PPP2R2B: variants seen among roughly 807,000 people sequenced by gnomAD.
PPP2R2B encodes the protein serine/threonine-protein phosphatase 2A 55 kDa regulatory subunit B beta isoform.
A neutral mutation model predicts 46.0 loss-of-function variants in PPP2R2B; 5 were observed. The observed-to-expected ratio is 0.11, with a 90% CI of 0.06 to 0.23. PPP2R2B has a LOEUF of 0.23. PPP2R2B is among the 10% of genes least tolerant of loss of function. PPP2R2B has a pLI of 1.00. For synonymous variants in PPP2R2B, 215 were observed against 206.7 expected (o/e 1.04, Z -0.34); for missense variants, 367 against 575.0 (o/e 0.64, Z 3.70).
intron 4 of PPP2R2B, among the ~76,000 whole-genome samples, chr5:146,691,823 G>C (rs561698575): frequency 6.6e-6 from 1 of 152,080 alleles, no homozygotes; most frequent in Non-Finnish European, 1.5e-5. Flanking sequence ...ACTAAGCCTC[G>C]GGGCCTTTGC....
At chr5:147,080,987 G>T in intron 2 of PPP2R2B, 1 of 1,402,702 alleles carries the variant, frequency 7.1e-7, no homozygotes, top group Non-Finnish European at 9.7e-7. Context: ...AAGTAAAGAT[G>T]AAAGTTTTTA....
At position 146,588,435 on chromosome 5, in the gene PPP2R2B, A is replaced by G. The variant is rs1770281142; in HGVS notation, c.*1512T>C. The stretch of plus-strand genomic sequence containing the variant: ...GGACTTCTAATACATCTGTAAACTG[A>G]AAGAAAATTTCCCTTTCATTGAAAA... On this transcript the variant is annotated 3_prime_UTR_variant, in exon 10 of 10. Transcript: ENST00000394411. 1 of 152,198 alleles carries G rather than the reference A, an allele frequency of 6.6e-6. No individual in the cohort carries two copies. Among genetic ancestry groups the G allele is most frequent in the Admixed American group, 6.5e-5 (1 of 15,280 alleles). The allele number at this position is 152,198 out of a possible 1,614,324, so 9.4% of individuals were successfully genotyped here.
At chr5:146,943,674 ATT>A (rs201977073) in intron 1 of PPP2R2B, among the ~76,000 whole-genome samples, 1 of 145,930 alleles carries the variant, frequency 6.9e-6, no homozygotes, top group Non-Finnish European at 1.5e-5. Flanking sequence ...AGAGGCACTC[ATT>A]TTTTTTTTTT....
chr5:146,701,155 A>G lies in PPP2R2B; in HGVS notation c.71-13T>C. 1 of 1,593,910 alleles carries G rather than the reference A, an allele frequency of 6.3e-7. No individual in the cohort carries two copies. Among genetic ancestry groups the G allele is most frequent in the Non-Finnish European group, 8.6e-7 (1 of 1,161,570 alleles). On this transcript the variant is annotated splice_polypyrimidine_tract_variant and intron_variant, in intron 2 of 9. Transcript: ENST00000394411. ...GAGATAATGTCAGCTGCAAAGAAGAAGACAAAGGCAATTTAAGTAACTGCA... is the reference window on the plus strand; with the variant it reads ...GAGATAATGTCAGCTGCAAAGAAGAGGACAAAGGCAATTTAAGTAACTGCA...
intron 2 of PPP2R2B, among the ~76,000 whole-genome samples, chr5:146,804,230 A>G (rs933638986): frequency 6.6e-6 from 1 of 152,088 alleles, no homozygotes; most frequent in Non-Finnish European, 1.5e-5. Context: ...ACTACTTCCT[A>G]TGCACTAGGC....
intron 8 of PPP2R2B, 117 bp from the exon 9 acceptor site, chr5:146,593,179 C>G: frequency 1.1e-6 from 1 of 924,212 alleles, no homozygotes; most frequent in Non-Finnish European, 1.7e-6. Flanking sequence ...CTCTTTGAAT[C>G]AGATGGCCTT....
chr5:146,700,574 G>T (rs1779472665), intron 3 of PPP2R2B, among the ~76,000 whole-genome samples: 1 of 152,100 alleles, frequency 6.6e-6, no homozygotes, highest in Admixed American at 6.5e-5. Flanking sequence ...CTAGTTTGTG[G>T]CCTTTTACCC....
At chr5:146,892,233 C>T (rs997091874) in intron 1 of PPP2R2B, among the ~76,000 whole-genome samples, 25 of 152,298 alleles carry the variant, frequency 1.6e-4, no homozygotes, top group Non-Finnish European at 1.5e-4. Context: ...TTCTGCATTC[C>T]ATCAGCTCTA....
chr5:146,748,125 T>C (rs1753306290), intron 2 of PPP2R2B, among the ~76,000 whole-genome samples: 2 of 152,202 alleles, frequency 1.3e-5, no homozygotes, highest in South Asian at 2.1e-4. Context: ...ACTGTGAGCA[T>C]GGGTCTTTTA....
At chr5:146,877,395 C>T (rs925805034) in intron 2 of PPP2R2B, among the ~76,000 whole-genome samples, 1 of 152,184 alleles carries the variant, frequency 6.6e-6, no homozygotes, top group Admixed American at 6.5e-5. Context: ...GCGTTGCTCA[C>T]CCCACGTGTC....
chr5:147,064,648 C>T (rs796225027), intron 2 of PPP2R2B, among the ~76,000 whole-genome samples: 15 of 152,268 alleles, frequency 9.9e-5, no homozygotes, highest in African/African-American at 3.6e-4. Context: ...CCTCATTCTC[C>T]CACAGGTCTA....
chr5:146,591,048 G>C (rs1434632067), intron 9 of PPP2R2B, among the ~76,000 whole-genome samples: 2 of 152,092 alleles, frequency 1.3e-5, no homozygotes, highest in African/African-American at 4.8e-5. Context: ...AATGTTTAAT[G>C]GTGACATTTC....
chr5:146,706,293 G>C (rs1779845742), intron 2 of PPP2R2B: 5 of 525,182 alleles, frequency 9.5e-6, no homozygotes, highest in Admixed American at 7.0e-5. Context: ...GAGCTGGTGC[G>C]GCTGAAGGAG....
At chr5:146,768,188 C>A (rs1014762673) in intron 2 of PPP2R2B, among the ~76,000 whole-genome samples, 5 of 152,084 alleles carry the variant, frequency 3.3e-5, no homozygotes, top group Admixed American at 1.3e-4. Context: ...ATCCTCCCAC[C>A]CCAGCCTCCC....
Position 146,582,213 on chromosome 5 carries a change from CTT to C in PPP2R2B, c.*7732_*7733del, listed in dbSNP as rs1274751646. The C allele has an allele frequency of 6.6e-6, 1 of 152,188 alleles. No individual in the cohort carries two copies. Among genetic ancestry groups the C allele is most frequent in the East Asian group, 1.9e-4 (1 of 5,196 alleles). The allele number at this position is 152,188 out of a possible 1,614,324, so 9.4% of individuals were successfully genotyped here. ...ATCTAGGGGAAGGTTTGTCTCACCT[CTT>C]GTTTCCAAGTGGGAGGGTTGAGAAT... On this transcript the variant is annotated 3_prime_UTR_variant, in exon 10 of 10. Transcript: ENST00000394411.
rs10583721 is a variant in PPP2R2B, at chr5:146,807,776, C to CTTTTTTTTTTT, written c.70+70215_70+70225dup. 3.5e-3 allele frequency among the ~76,000 whole-genome samples: 129 copies of CTTTTTTTTTTT among 36,928 alleles called. 33 individuals carry two copies. Among genetic ancestry groups the CTTTTTTTTTTT allele is most frequent in the East Asian group, 7.5e-3 (8 of 1,066 alleles). The allele number at this position is 36,928 out of a possible 152,430, so 24.2% of individuals were successfully genotyped here. ...TTGGTTAAACCTCCTGGGGTGCCTT[C>CTTTTTTTTTTT]TTTTTTTTTTTTTTTTTTTTTTTTT... On this transcript the variant is annotated intron_variant, in intron 2 of 9. Transcript: ENST00000394411.
chr5:146,629,310 G>A lies in PPP2R2B; in HGVS notation c.790+8941C>T, dbSNP rs1581750356. 3.3e-5 allele frequency among the ~76,000 whole-genome samples: 5 copies of A among 152,266 alleles called. No individual in the cohort carries two copies. In the South Asian group the frequency reaches 1.0e-3, roughly 32 times the overall value. On this transcript the variant is annotated intron_variant, in intron 7 of 9. Transcript: ENST00000394411. ...TCGTTTCAGTGTATGGTACCGTACA[G>A]TAACTCAAGCACCAAACCTACGAGT...
chr5:147,003,211 C>T (rs1032911174), intron 1 of PPP2R2B, among the ~76,000 whole-genome samples: 2 of 152,108 alleles, frequency 1.3e-5, no homozygotes, highest in Non-Finnish European at 2.9e-5. Context: ...ACCTCCATAT[C>T]CTAGCCTCCC....
chr5:146,803,193 T>G (rs1351767644), intron 2 of PPP2R2B, among the ~76,000 whole-genome samples: 1 of 152,148 alleles, frequency 6.6e-6, no homozygotes, highest in African/African-American at 2.4e-5. Context: ...AGAACACTTT[T>G]TAAGTATTAG....
Sources: allele counts gnomAD v4.1 joint callset (sites outside exome capture counted in the v4.1 genomes callset), GRCh38; gene constraint gnomAD v4.1.1; transcripts MANE v1.5; gene names NCBI Gene and HGNC (gene_info 2026-07-23, HGNC 2026-07-21).